UNG: variants seen among roughly 807,000 people sequenced by gnomAD.
UNG encodes the protein uracil-DNA glycosylase.
In UNG, 34 loss-of-function variants were observed where a neutral mutation model predicts 36.5. The observed-to-expected ratio is 0.93, with a 90% CI of 0.71 to 1.24. The LOEUF (loss-of-function observed/expected upper bound fraction) is 1.24. UNG is among the 50% of genes most tolerant of loss of function. The probability of loss-of-function intolerance (pLI) is 0.00; values close to 1 mark genes in which losing one functional copy is unlikely to be tolerated. For synonymous variants in UNG, 172 were observed against 157.8 expected, an observed-to-expected ratio of 1.09 and a Z score of -0.67; for missense variants, 391 against 397.6, an observed-to-expected ratio of 0.98 and a Z score of 0.14.
At chr12:109,107,874 T>C (rs368033865) in intron 6 of UNG, among the ~76,000 whole-genome samples, 3 of 152,110 alleles carry the variant, frequency 2.0e-5, no homozygotes, top group African/African-American at 7.2e-5. Flanking sequence ...TTTTGTTTTT[T>C]AATTCTTCCT....
intron 1 of UNG, 39 bp downstream of exon 1, chr12:109,097,850 G>A (rs1401825103): frequency 1.3e-6 from 2 of 1,487,854 alleles, no homozygotes; most frequent in Admixed American, 2.3e-5. Context: ...GGGTGAAGGG[G>A]GAGGAAGGCG....
In UNG at chr12:109,098,196, C is replaced by A. The variant is rs1263633002; in HGVS notation, c.133-236C>A. The A allele has an allele frequency of 6.3e-6, 9 of 1,428,884 alleles. No individual in the cohort carries two copies. The South Asian group carries it at 1.1e-4, about 17-fold the overall frequency. 88.5% of individuals were successfully genotyped at this position (1,428,884 alleles called of 1,614,324 possible). ...TGTGCAGGGTTCCCAGTCACCGCGACGCTCCTCGGGAAGCCATAGGGCGCC... is the reference window on the plus strand; with the variant it reads ...TGTGCAGGGTTCCCAGTCACCGCGAAGCTCCTCGGGAAGCCATAGGGCGCC... On this transcript the variant is annotated intron_variant, in intron 1 of 6. Transcript: ENST00000242576.
At position 109,104,742 on chromosome 12, in the gene UNG, C is replaced by T. The variant is rs116921212; in HGVS notation, c.801+1131C>T. Among the ~76,000 whole-genome samples, 421 of 151,562 alleles carry T rather than the reference C, an allele frequency of 2.8e-3. 2 individuals are homozygous for T. Among genetic ancestry groups the T allele is most frequent in the Non-Finnish European group, 4.5e-3 (303 of 67,890 alleles). ...GAGCCAGGGGTGTGTTCATCCCTGG[C>T]AAATGGGAGAGACATTGGGTGGGGG... On this transcript the variant is annotated intron_variant, in intron 6 of 6. Coordinates refer to ENST00000242576, the MANE Select transcript of UNG (RefSeq NM_080911.3).
rs2042158861 is a variant in UNG, at chr12:109,099,251, C to T, written c.402C>T (p.Val134=). 2 of 1,614,130 alleles carry T rather than the reference C, an allele frequency of 1.2e-6. No individual in the cohort carries two copies. The highest frequency in any genetic ancestry group is 1.7e-5 in the Admixed American group (1 of 60,030). Reference sequence around the variant, plus strand: ...CTGTTTATCCACCCCCACACCAAGTCTTCACCTGGACCCAGATGTGTGACA... The same window carrying T: ...CTGTTTATCCACCCCCACACCAAGTTTTCACCTGGACCCAGATGTGTGACA... ...HYTVYPPPHQ[V]FTWTQMCDIK... is the part of the protein sequence containing the mutation. The change falls in exon 3 of 7, where the codon GTC becomes GTT. Residue 134 remains valine, a synonymous_variant. Coordinates refer to ENST00000242576, the MANE Select transcript of UNG (RefSeq NM_080911.3).
intron 3 of UNG, 101 bp from the exon 4 acceptor site, chr12:109,101,801 C>T (rs1219816846): frequency 1.0e-6 from 1 of 987,274 alleles, no homozygotes; most frequent in African/African-American, 1.6e-5. Context: ...CAATCTATGC[C>T]ATAGAAGTGT....
chr12:109,101,599 A>T (rs2042177313), intron 3 of UNG, among the ~76,000 whole-genome samples: 1 of 151,900 alleles, frequency 6.6e-6, no homozygotes, highest in East Asian at 2.0e-4. Flanking sequence ...GGGCCCAGCT[A>T]CTCTGGAGGC....
chr12:109,102,702 C>T (rs909805778), intron 4 of UNG, 137 bp from the exon 5 acceptor site: 14 of 684,740 alleles, frequency 2.0e-5, no homozygotes, highest in Non-Finnish European at 3.4e-5. Context: ...TCTCATTAAT[C>T]GGCGCCATAT....
intron 6 of UNG, among the ~76,000 whole-genome samples, chr12:109,109,084 G>A (rs886932965): frequency 2.0e-5 from 3 of 152,182 alleles, no homozygotes; most frequent in Admixed American, 2.0e-4. Flanking sequence ...ATGATGTTCA[G>A]CAGGTTATAT....
chr12:109,097,969 C>T, intron 1 of UNG, 158 bp downstream of exon 1: 1 of 1,242,008 alleles, frequency 8.1e-7, no homozygotes, highest in Non-Finnish European at 1.1e-6. Context: ...CCGCTGTCCC[C>T]CATGGGCCGC....
At position 109,101,987 on chromosome 12, in the gene UNG, C is replaced by T. The variant is rs370772651; in HGVS notation, c.521C>T (p.Pro174Leu). 5.1e-5 allele frequency: 83 copies of T among 1,613,788 alleles called. No homozygotes were observed. Among genetic ancestry groups the T allele is most frequent in the Middle Eastern group, 1.7e-4 (1 of 5,988 alleles). ...GLCFSVQRPV[P>L]PPPSLENIYK... ...TGCTTTAGTGTTCAAAGGCCTGTTC[C>T]GCCTCCGCCCAGGTACAGTTGCTTT... Residue 174 changes from proline (P) to leucine (L), a missense_variant, in exon 4 of 7, where the codon CCG becomes CTG. Transcript: ENST00000242576.
chr12:109,103,110 G>A (rs529009997), intron 5 of UNG, among the ~76,000 whole-genome samples, 183 bp downstream of exon 5: 190 of 151,954 alleles, frequency 1.3e-3, no homozygotes, highest in Non-Finnish European at 2.4e-3. Flanking sequence ...AGCCACCATA[G>A]CTGGCTAATT....
rs373915335 is a variant in UNG, at chr12:109,101,994, G to A, written c.528G>A (p.Pro176=). ...CFSVQRPVPP[P]PSLENIYKEL... is the part of the protein sequence containing the mutation. ...GTGTTCAAAGGCCTGTTCCGCCTCC[G>A]CCCAGGTACAGTTGCTTTACAGGTG... The change falls in exon 4 of 7, where the codon CCG becomes CCA. Residue 176 remains proline, a synonymous_variant. Transcript: ENST00000242576. The A allele has an allele frequency of 8.7e-4, 1,409 of 1,613,808 alleles. 18 individuals are homozygous for A. The South Asian group carries it at 0.013, about 15-fold the overall frequency.
rs558511338 is a variant in UNG, at chr12:109,099,930, C to T, written c.435+646C>T. 5.3e-5 allele frequency among the ~76,000 whole-genome samples: 8 copies of T among 152,194 alleles called. No homozygotes were observed. The South Asian group carries it at 1.7e-3, about 32-fold the overall frequency. On this transcript the variant is annotated intron_variant, in intron 3 of 6. Coordinates refer to ENST00000242576, the MANE Select transcript of UNG (RefSeq NM_080911.3). ...TACAAAAATTAGCCGGGCATGGTGG[C>T]GCACGCCTGTAATTCCAGCTACTTG...
Position 109,101,921 on chromosome 12 carries a change from G to T in UNG, c.455G>T (p.Gly152Val). 2 of 1,614,042 alleles carry T rather than the reference G, an allele frequency of 1.2e-6. No homozygotes were observed. The highest frequency in any genetic ancestry group is 1.3e-5 in the African/African-American group (1 of 75,046). Residue 152 changes from glycine (G) to valine (V), a missense_variant, in exon 4 of 7, where the codon GGA becomes GTA. By Grantham distance (109) the Gly-to-Val change is moderately radical. Transcript: ENST00000242576. ...DIKDVKVVILGQDPYHGPNQA... is the reference protein window; with the variant it reads ...DIKDVKVVILVQDPYHGPNQA... Reference sequence around the variant, plus strand: ...TCACAGGTGAAGGTTGTCATCCTGGGACAGGATCCATATCATGGACCTAAT... The same window carrying T: ...TCACAGGTGAAGGTTGTCATCCTGGTACAGGATCCATATCATGGACCTAAT...
At chr12:109,104,246 A>T (rs1328191974) in intron 6 of UNG, among the ~76,000 whole-genome samples, 1 of 151,102 alleles carries the variant, frequency 6.6e-6, no homozygotes, top group African/African-American at 2.4e-5. Context: ...ACAGGGTTTC[A>T]CCATGTTGGC....
chr12:109,103,560 T>C lies in UNG; in HGVS notation c.750T>C (p.Val250=), dbSNP rs1214243361. Reference sequence around the variant, plus strand: ...TAAATCAGAACTCGAATGGCCTTGTTTTCTTGCTCTGGGGCTCTTATGCTC... The same window carrying C: ...TAAATCAGAACTCGAATGGCCTTGTCTTCTTGCTCTGGGGCTCTTATGCTC... ...SWLNQNSNGL[V]FLLWGSYAQK... Residue 250 remains valine (V), a synonymous_variant, in exon 6 of 7, where the codon GTT becomes GTC. Transcript: ENST00000242576. 2 of 1,614,132 alleles carry C rather than the reference T, an allele frequency of 1.2e-6. No homozygotes were observed. Among genetic ancestry groups the C allele is most frequent in the Non-Finnish European group, 1.7e-6 (2 of 1,180,018 alleles).
intron 6 of UNG, among the ~76,000 whole-genome samples, chr12:109,108,550 TG>T: frequency 3.9e-5 from 6 of 152,088 alleles, no homozygotes; most frequent in African/African-American, 1.5e-4. Context: ...GAGAGTAACT[TG>T]AGCCTAGGAG....
intron 5 of UNG, 119 bp from the exon 6 acceptor site, chr12:109,103,314 A>C: frequency 1.0e-6 from 1 of 975,044 alleles, no homozygotes; most frequent in East Asian, 2.5e-5. Context: ...GCAGGGAAGC[A>C]CAGCTTGCTA....
At chr12:109,105,791 C>T (rs3219255) in intron 6 of UNG, among the ~76,000 whole-genome samples, 1 of 152,222 alleles carries the variant, frequency 6.6e-6, no homozygotes, top group Admixed American at 6.5e-5. Flanking sequence ...CCAAATCTAC[C>T]CCTGCCTGAC....
Sources: allele counts gnomAD v4.1 joint callset (sites outside exome capture counted in the v4.1 genomes callset), GRCh38; gene constraint gnomAD v4.1.1; transcripts MANE v1.5; gene names NCBI Gene and HGNC (gene_info 2026-07-23, HGNC 2026-07-21).